The following STK33 variants were observed in gnomAD, a reference collection of about 807,000 sequenced individuals.
STK33 encodes the protein serine/threonine-protein kinase 33.
In STK33, 52 loss-of-function variants were observed where a neutral mutation model predicts 58.0. The observed-to-expected ratio is 0.90, with a 90% CI of 0.72 to 1.13. The LOEUF (loss-of-function observed/expected upper bound fraction) is 1.13, where lower values mean the gene tolerates loss of function less well. STK33 is among the 50% of genes most tolerant of loss of function. STK33 has a pLI of 0.00. For missense variants in STK33, 630 were observed against 604.2 expected (o/e 1.04, Z -0.45); for synonymous variants, 215 against 200.1 (o/e 1.07, Z -0.63).
chr11:8,534,199 C>T (rs953919684), intron 1 of STK33, among the ~76,000 whole-genome samples: 1 of 151,758 alleles, frequency 6.6e-6, no homozygotes, highest in Non-Finnish European at 1.5e-5. Flanking sequence ...CGCTTGAACC[C>T]GGGAGGCAGA....
In STK33 at chr11:8,509,433, T is replaced by G. The variant is rs189651734; in HGVS notation, c.-465-28819A>C. On this transcript the variant is annotated intron_variant, in intron 1 of 15. Coordinates refer to ENST00000687296, the MANE Select transcript of STK33 (RefSeq NM_001352389.2). ...AAAATACGGGTAGGGTTTAAATAAC[T>G]TATTAAACGTTTTCCAGCAGATCCT... Among the ~76,000 whole-genome samples, 9 of 152,348 alleles carry G rather than the reference T, an allele frequency of 5.9e-5. No individual in the cohort carries two copies. The East Asian group carries it at 1.7e-3, about 29-fold the overall frequency.
chr11:8,544,582 G>A lies in STK33; in HGVS notation c.-466+49501C>T, dbSNP rs189945329. On this transcript the variant is annotated intron_variant, in intron 1 of 15. Transcript: ENST00000687296. ...TATATATTCAAAGAAATAGAGCCTC[G>A]GATAATTGACATATACTCATTGTTT... Among the ~76,000 whole-genome samples the A allele has an allele frequency of 2.8e-4, 42 of 151,330 alleles. No individual in the cohort carries two copies. The East Asian group carries it at 6.4e-3, about 23-fold the overall frequency.
chr11:8,452,332 A>C (rs1169143507), intron 11 of STK33, among the ~76,000 whole-genome samples: 1 of 152,194 alleles, frequency 6.6e-6, no homozygotes, highest in Non-Finnish European at 1.5e-5. Context: ...GAAATAACAA[A>C]ATTTTTTTAA....
the STK33 span, among the ~76,000 whole-genome samples, chr11:8,368,467 G>A: frequency 2.0e-5 from 3 of 152,238 alleles, no homozygotes; most frequent in Non-Finnish European, 2.9e-5. Flanking sequence ...CCCAGGATGG[G>A]CAGCCTGCCC....
chr11:8,364,528 A>C, the STK33 span, among the ~76,000 whole-genome samples: 1 of 152,230 alleles, frequency 6.6e-6, no homozygotes, highest in African/African-American at 2.4e-5. Context: ...TTGATGGAGC[A>C]ACCTGCAAAC....
chr11:8,479,307 C>T (rs779146908), intron 2 of STK33, among the ~76,000 whole-genome samples: 6 of 151,968 alleles, frequency 3.9e-5, no homozygotes, highest in Non-Finnish European at 8.8e-5. Flanking sequence ...GTGGCATGCA[C>T]CTGTAATCCC....
intron 1 of STK33, among the ~76,000 whole-genome samples, chr11:8,496,741 A>AT (rs1352066350): frequency 6.6e-6 from 1 of 151,786 alleles, no homozygotes; most frequent in African/African-American, 2.4e-5. Context: ...CGCCCGGCTA[A>AT]TTTTTTATAT....
intron 14 of STK33, among the ~76,000 whole-genome samples, chr11:8,427,148 G>A (rs1942869438): frequency 6.6e-6 from 1 of 151,980 alleles, no homozygotes. Context: ...TCTACCATGT[G>A]TTTTAACTCC....
chr11:8,585,222 ATTTT>A (rs34448251), intron 1 of STK33, among the ~76,000 whole-genome samples: 1 of 89,338 alleles, frequency 1.1e-5, no homozygotes. Flanking sequence ...TGCACCCAGC[ATTTT>A]TTTTTTTTTT....
chr11:8,418,560 G>A (rs1941458818), intron 14 of STK33, among the ~76,000 whole-genome samples: 1 of 152,110 alleles, frequency 6.6e-6, no homozygotes, highest in African/African-American at 2.4e-5. Flanking sequence ...ATGTGCATAT[G>A]TGTTTATGGC....
At chr11:8,481,219 T>C (rs970503067) in intron 1 of STK33, among the ~76,000 whole-genome samples, 1 of 152,218 alleles carries the variant, frequency 6.6e-6, no homozygotes, top group Admixed American at 6.5e-5. Context: ...TTTCCCCTTA[T>C]AGCCAGACCT....
chr11:8,376,281 G>A, the STK33 span, among the ~76,000 whole-genome samples: 1 of 152,266 alleles, frequency 6.6e-6, no homozygotes, highest in Admixed American at 6.5e-5. Context: ...ATGTCACGGG[G>A]GCAAGCTCAA....
chr11:8,488,490 T>G (rs917189217), intron 1 of STK33, among the ~76,000 whole-genome samples: 4 of 152,062 alleles, frequency 2.6e-5, no homozygotes, highest in African/African-American at 7.2e-5. Flanking sequence ...TAAGGTAAGT[T>G]GTCAACCACC....
At chr11:8,490,535 G>A (rs1305127798) in intron 1 of STK33, among the ~76,000 whole-genome samples, 2 of 152,154 alleles carry the variant, frequency 1.3e-5, no homozygotes, top group African/African-American at 2.4e-5. Context: ...AGACTTAAAC[G>A]TCCCCGTCTC....
chr11:8,360,022 G>A, the STK33 span, among the ~76,000 whole-genome samples: 1 of 152,354 alleles, frequency 6.6e-6, no homozygotes, highest in Non-Finnish European at 1.5e-5. Flanking sequence ...CTCAGCCCAA[G>A]CCTTGGCCTC....
chr11:8,351,346 C>T, the STK33 span, among the ~76,000 whole-genome samples: 1 of 152,216 alleles, frequency 6.6e-6, no homozygotes, highest in Non-Finnish European at 1.5e-5. Context: ...CGAGCTGGGT[C>T]CTGACCCCAG....
chr11:8,518,005 T>C (rs1952973677), intron 1 of STK33, among the ~76,000 whole-genome samples: 1 of 151,882 alleles, frequency 6.6e-6, no homozygotes, highest in Non-Finnish European at 1.5e-5. Flanking sequence ...ATAAAGATAC[T>C]CCTTGAGAAG....
chr11:8,356,065 A>G, the STK33 span, among the ~76,000 whole-genome samples: 1 of 152,308 alleles, frequency 6.6e-6, no homozygotes, highest in African/African-American at 2.4e-5. Flanking sequence ...CAGGGGGTGC[A>G]GGGGTGGGGA....
the STK33 span, among the ~76,000 whole-genome samples, chr11:8,371,635 T>C: frequency 9.7e-6 from 1 of 102,654 alleles, no homozygotes; most frequent in Non-Finnish European, 2.1e-5. Context: ...CTTCCTTCCT[T>C]CTTTCTTCCT....
Sources: gnomAD v4.1 joint callset for allele counts (sites outside exome capture counted in the v4.1 genomes callset) on GRCh38, gnomAD v4.1.1 for gene constraint, MANE v1.5 for transcripts, NCBI Gene and HGNC (gene_info 2026-07-23, HGNC 2026-07-21) for gene names.